Variants in STARD13 observed in about 807,000 individuals in gnomAD.
STARD13 encodes StAR related lipid transfer domain containing 13.
STARD13 carries 62 observed loss-of-function variants against 106.4 expected under a neutral mutation model. The observed-to-expected ratio is 0.58, with a 90% CI of 0.48 to 0.72. The LOEUF is 0.72. Among genes scored for constraint, STARD13 ranks in the 30% least tolerant of loss-of-function variants. The pLI, the probability that STARD13 is intolerant of heterozygous loss-of-function variation, is 0.00. For synonymous variants in STARD13, 565 were observed against 553.0 expected (o/e 1.02, Z -0.31); for missense variants, 1,387 against 1,424.0 (o/e 0.97, Z 0.42).
the STARD13 span, among the ~76,000 whole-genome samples, chr13:33,525,182 T>C: frequency 6.6e-6 from 1 of 151,866 alleles, no homozygotes; most frequent in African/African-American, 2.4e-5. Context: ...CCATTATACC[T>C]GGCTACATTT....
At chr13:33,373,615 C>G in the STARD13 span, among the ~76,000 whole-genome samples, 1 of 151,864 alleles carries the variant, frequency 6.6e-6, no homozygotes, top group Non-Finnish European at 1.5e-5. Flanking sequence ...GCAAGCAACC[C>G]AATTAAAAAA....
At chr13:33,165,151 A>C (rs1236942412) in intron 3 of STARD13, among the ~76,000 whole-genome samples, 186 bp downstream of exon 3, 1 of 152,050 alleles carries the variant, frequency 6.6e-6, no homozygotes, top group Non-Finnish European at 1.5e-5. Context: ...GCTAGGATTT[A>C]AGCTCCATGA....
chr13:33,482,834 A>G, the STARD13 span, among the ~76,000 whole-genome samples: 1 of 152,214 alleles, frequency 6.6e-6, no homozygotes, highest in East Asian at 1.9e-4. Flanking sequence ...GCCATAATCT[A>G]ACAAAGAAAG....
At chr13:33,520,734 A>G in the STARD13 span, among the ~76,000 whole-genome samples, 2 of 152,096 alleles carry the variant, frequency 1.3e-5, no homozygotes, top group Admixed American at 1.3e-4. Context: ...CATCCCAAGC[A>G]GGGATCCCTG....
intron 1 of STARD13, among the ~76,000 whole-genome samples, chr13:33,170,538 T>C (rs1883838081): frequency 6.6e-6 from 1 of 152,180 alleles, no homozygotes; most frequent in Non-Finnish European, 1.5e-5. Flanking sequence ...ATCATTCAAA[T>C]AAGATGATTT....
At chr13:33,164,014 T>C (rs1883052199) in intron 3 of STARD13, 1 of 151,996 alleles carries the variant, frequency 6.6e-6, no homozygotes, top group African/African-American at 2.4e-5. Context: ...TCCAATTCAT[T>C]ACCTTTACAG....
At chr13:33,625,687 A>G in the STARD13 span, among the ~76,000 whole-genome samples, 1 of 152,000 alleles carries the variant, frequency 6.6e-6, no homozygotes, top group Non-Finnish European at 1.5e-5. Context: ...CTTGGTTAGA[A>G]AGAGAATTAA....
At chr13:33,231,200 G>C (rs1888901344) in intron 1 of STARD13, among the ~76,000 whole-genome samples, 1 of 152,222 alleles carries the variant, frequency 6.6e-6, no homozygotes, top group Non-Finnish European at 1.5e-5. Flanking sequence ...CAATGGGCTG[G>C]GAGTGGAGAT....
chr13:33,591,480 C>G, the STARD13 span, among the ~76,000 whole-genome samples: 14 of 152,132 alleles, frequency 9.2e-5, no homozygotes, highest in Admixed American at 8.5e-4. Context: ...AGATTATGCA[C>G]AAGAAAGTTT....
At chr13:33,664,661 C>A in the STARD13 span, among the ~76,000 whole-genome samples, 3 of 152,214 alleles carry the variant, frequency 2.0e-5, no homozygotes, top group African/African-American at 4.8e-5. Context: ...GAGTCTCGGT[C>A]TGTTATCCAG....
the STARD13 span, among the ~76,000 whole-genome samples, chr13:33,529,055 A>C: frequency 6.6e-6 from 1 of 152,206 alleles, no homozygotes; most frequent in East Asian, 1.9e-4. Flanking sequence ...TTTACACAAG[A>C]TATTGACAGA....
chr13:33,125,859 AGTCACTCCAG>A (rs1327253128), intron 7 of STARD13, among the ~76,000 whole-genome samples: 15 of 152,226 alleles, frequency 9.9e-5, no homozygotes, highest in Admixed American at 4.6e-4. Context: ...AACTTTCCCC[AGTCACTCCAG>A]GTCATCATTT....
the STARD13 span, among the ~76,000 whole-genome samples, chr13:33,507,751 T>C: frequency 6.6e-6 from 1 of 152,210 alleles, no homozygotes; most frequent in African/African-American, 2.4e-5. Flanking sequence ...ATTTTATATG[T>C]TGTATGTATT....
chr13:33,433,996 T>C, the STARD13 span, among the ~76,000 whole-genome samples: 1 of 152,124 alleles, frequency 6.6e-6, no homozygotes, highest in East Asian at 1.9e-4. Flanking sequence ...ACTTAGTCAA[T>C]AGTCAGCCCT....
the STARD13 span, among the ~76,000 whole-genome samples, chr13:33,379,877 TC>T: frequency 7.8e-4 from 119 of 152,316 alleles, 3 homozygotes; most frequent in East Asian, 0.021. Flanking sequence ...AATTTGAGCA[TC>T]ATTTATTGGA....
Position 33,110,576 on chromosome 13 carries a change from C to T in STARD13, c.2829+110G>A, listed in dbSNP as rs114189754. The T allele has an allele frequency of 3.5e-3, 3,027 of 873,542 alleles. 62 individuals are homozygous for T. The African/African-American group carries it at 0.044, about 13-fold the overall frequency. The allele number at this position is 873,542 out of a possible 1,614,324, so 54.1% of individuals were successfully genotyped here. A position where few individuals can be genotyped will look rare whatever the true frequency, so the allele number is the denominator to read the frequency against. Reference sequence around the variant, plus strand: ...ATGGTTCATGTGCCTTAACTGTCCGCGTGTGTGCCAAGCCCTGTGGACACA... The same window carrying T: ...ATGGTTCATGTGCCTTAACTGTCCGTGTGTGTGCCAAGCCCTGTGGACACA... On this transcript the variant is annotated intron_variant, in intron 11 of 13. Transcript: ENST00000336934.
chr13:33,415,543 A>G, the STARD13 span, among the ~76,000 whole-genome samples: 2 of 152,210 alleles, frequency 1.3e-5, no homozygotes, highest in Non-Finnish European at 2.9e-5. Flanking sequence ...GAAAAATTTT[A>G]CTAGGAAATG....
the STARD13 span, among the ~76,000 whole-genome samples, chr13:33,450,908 G>A: frequency 6.6e-6 from 1 of 152,078 alleles, no homozygotes; most frequent in East Asian, 1.9e-4. Flanking sequence ...AAAGAGACAG[G>A]GTCTTGCTCT....
intron 1 of STARD13, among the ~76,000 whole-genome samples, chr13:33,183,034 C>T (rs1004736836): frequency 1.3e-5 from 2 of 152,230 alleles, no homozygotes; most frequent in African/African-American, 4.8e-5. Flanking sequence ...TCACATTCCT[C>T]TCCCTATTTA....
Sources: allele counts gnomAD v4.1 joint callset (sites outside exome capture counted in the v4.1 genomes callset), GRCh38; gene constraint gnomAD v4.1.1; transcripts MANE v1.5; gene names NCBI Gene and HGNC (gene_info 2026-07-23, HGNC 2026-07-21).